SLC4A8: variants seen among roughly 807,000 people sequenced by gnomAD.
The protein encoded by SLC4A8 is electroneutral sodium bicarbonate exchanger 1.
SLC4A8 carries 40 observed loss-of-function variants against 125.0 expected under a neutral mutation model. The observed-to-expected ratio is 0.32, with a 90% CI of 0.25 to 0.42. The LOEUF is 0.42. SLC4A8 is among the 10% of genes least tolerant of loss of function. SLC4A8 has a pLI of 1.00. For missense variants in SLC4A8, 863 were observed against 1,355.1 expected (o/e 0.64, Z 5.70); for synonymous variants, 456 against 476.0 (o/e 0.96, Z 0.55).
At chr12:51,471,920 CTT>C (rs1950711512) in intron 14 of SLC4A8, among the ~76,000 whole-genome samples, 1 of 152,140 alleles carries the variant, frequency 6.6e-6, no homozygotes, top group Non-Finnish European at 1.5e-5. Context: ...GGACTCTGTC[CTT>C]TGTTGAAATG....
At chr12:51,416,211 G>GTTTTTTTTTTTTT (rs57565585) in intron 1 of SLC4A8, among the ~76,000 whole-genome samples, 7 of 82,516 alleles carry the variant, frequency 8.5e-5, no homozygotes, top group East Asian at 7.1e-4. Flanking sequence ...GAGGTCTTTT[G>GTTTTTTTTTTTTT]TTTTTTTTTT....
At chr12:51,491,740 G>GACACACAC (rs35694156) in intron 19 of SLC4A8, among the ~76,000 whole-genome samples, 2,543 of 145,946 alleles carry the variant, frequency 0.017, 73 homozygotes, top group African/African-American at 0.059. Flanking sequence ...GGGATGGGCA[G>GACACACAC]ACACACACAC....
At chr12:51,502,880 C>T (rs1355696002) in intron 22 of SLC4A8, among the ~76,000 whole-genome samples, 1 of 138,316 alleles carries the variant, frequency 7.2e-6, no homozygotes, top group Non-Finnish European at 1.5e-5. Context: ...GCTCTGTCGT[C>T]ACCCAGGCTG....
At position 51,493,779 on chromosome 12, in the gene SLC4A8, T is replaced by C. The variant is rs1443239194; in HGVS notation, c.2769+7T>C. On this transcript the variant is annotated splice_region_variant and intron_variant, in intron 20 of 24. Coordinates refer to ENST00000453097, the MANE Select transcript of SLC4A8 (RefSeq NM_001039960.3). ...TTCACTACAGGGAATTCAGGTATTG[T>C]ATGGTTCAGCCAGGGCAGTTTCTTC... is the stretch of plus-strand genomic sequence containing the variant. 6.3e-7 allele frequency: 1 copy of C among 1,583,314 alleles called. No individual in the cohort carries two copies. Among genetic ancestry groups the C allele is most frequent in the South Asian group, 1.1e-5 (1 of 90,468 alleles).
chr12:51,485,818 T>C lies in SLC4A8; in HGVS notation c.2204T>C (p.Phe735Ser), dbSNP rs145835611. Residue 735 changes from phenylalanine (F) to serine (S), a missense_variant, in exon 17 of 25, where the codon TTC (phenylalanine) becomes TCC (serine). Phe to Ser is a radical substitution (Grantham distance 155). Transcript: ENST00000453097. ...VRSMVSDFAV[F>S]LTIFTMVIID... ...TCCATGGTGAGTGACTTTGCTGTTTTCCTCACTATCTTCACAATGGTGATT... is the reference window on the plus strand; with the variant it reads ...TCCATGGTGAGTGACTTTGCTGTTTCCCTCACTATCTTCACAATGGTGATT... 67 of 1,613,224 alleles carry C rather than the reference T, an allele frequency of 4.2e-5. No homozygotes were observed. Among genetic ancestry groups the C allele is most frequent in the Non-Finnish European group, 5.3e-5 (62 of 1,179,272 alleles).
chr12:51,444,377 T>C (rs535945047), intron 2 of SLC4A8, among the ~76,000 whole-genome samples: 1 of 152,310 alleles, frequency 6.6e-6, no homozygotes, highest in South Asian at 2.1e-4. Context: ...CCTTCTTAGC[T>C]CTGACCCCCT....
chr12:51,395,115 T>C (rs1021464291), intron 1 of SLC4A8, among the ~76,000 whole-genome samples: 1 of 152,164 alleles, frequency 6.6e-6, no homozygotes, highest in East Asian at 1.9e-4. Flanking sequence ...GAAAAAGTTA[T>C]ATATGCACAT....
intron 17 of SLC4A8, 115 bp from the exon 18 acceptor site, chr12:51,488,584 T>C: frequency 1.3e-6 from 1 of 793,110 alleles, no homozygotes; most frequent in Non-Finnish European, 1.9e-6. Flanking sequence ...TTTTTTTTTT[T>C]TTTAAGAACC....
rs1565749408 is a variant in SLC4A8, at chr12:51,400,802, A to ATATATGTTTATATACG, written c.-112+9319_-112+9320insGTTTATATACGTATAT. 1.1e-3 allele frequency among the ~76,000 whole-genome samples: 96 copies of ATATATGTTTATATACG among 84,632 alleles called. 7 individuals carry two copies. The highest frequency in any genetic ancestry group is 5.2e-3 in the African/African-American group (74 of 14,220). The allele number at this position is 84,632 out of a possible 152,430, so 55.5% of individuals were successfully genotyped here. On this transcript the variant is annotated intron_variant, in intron 1 of 24. Transcript: ENST00000358657. ...TACATACATACACACACACACACAC[A>ATATATGTTTATATACG]TATATAAACATATATGTTTATATAC...
At chr12:51,444,168 A>G (rs1244155002) in intron 2 of SLC4A8, among the ~76,000 whole-genome samples, 4 of 152,188 alleles carry the variant, frequency 2.6e-5, no homozygotes, top group Admixed American at 1.3e-4. Context: ...AATGGCCAAC[A>G]AAGTGACCAC....
intron 5 of SLC4A8, among the ~76,000 whole-genome samples, chr12:51,455,752 C>A (rs1387996792): frequency 1.3e-5 from 2 of 152,162 alleles, no homozygotes; most frequent in East Asian, 1.9e-4. Flanking sequence ...GAGGGGTAAG[C>A]ACTGATGGGA....
intron 1 of SLC4A8, among the ~76,000 whole-genome samples, chr12:51,396,037 C>T (rs557900268): frequency 7.2e-5 from 11 of 152,294 alleles, no homozygotes; most frequent in African/African-American, 2.2e-4. Context: ...ATCACTCATG[C>T]GCTACAATTC....
At chr12:51,471,146 T>C (rs955566701) in intron 13 of SLC4A8, 141 bp from the exon 14 acceptor site, 9 of 807,502 alleles carry the variant, frequency 1.1e-5, no homozygotes, top group Middle Eastern at 2.3e-4. Flanking sequence ...AGAGCACTAT[T>C]TAGAAGGAAA....
chr12:51,466,080 G>C (rs950866793), intron 11 of SLC4A8, among the ~76,000 whole-genome samples: 31 of 152,054 alleles, frequency 2.0e-4, no homozygotes, highest in African/African-American at 6.8e-4. Context: ...TTGAAGGCAG[G>C]GTGAAGTAGA....
chr12:51,512,700 A>G lies in SLC4A8; in HGVS notation c.*5262A>G, dbSNP rs1938407824. 1 of 152,018 alleles carries G rather than the reference A, an allele frequency of 6.6e-6. No individual in the cohort carries two copies. Among genetic ancestry groups the G allele is most frequent in the African/African-American group, 2.4e-5 (1 of 41,366 alleles). The allele number at this position is 152,018 out of a possible 1,614,324, so 9.4% of individuals were successfully genotyped here. ...GCATGTGTGTATGTTGACAAATGAG[A>G]GTGTAGCCATAAGATTTCATTGTTA... is the stretch of plus-strand genomic sequence containing the variant. On this transcript the variant is annotated 3_prime_UTR_variant, in exon 25 of 25. Coordinates refer to ENST00000453097, the MANE Select transcript of SLC4A8 (RefSeq NM_001039960.3).
intron 16 of SLC4A8, among the ~76,000 whole-genome samples, chr12:51,483,053 C>T (rs1188913566): frequency 4.6e-5 from 7 of 151,586 alleles, no homozygotes; most frequent in African/African-American, 1.5e-4. Context: ...TTTTGTGGTT[C>T]CCCCCACCCC....
intron 1 of SLC4A8, among the ~76,000 whole-genome samples, chr12:51,402,670 C>G (rs894423653): frequency 6.6e-6 from 1 of 151,968 alleles, no homozygotes; most frequent in Non-Finnish European, 1.5e-5. Flanking sequence ...TGCAGTGAGC[C>G]GAGACCGCGC....
intron 1 of SLC4A8, among the ~76,000 whole-genome samples, chr12:51,405,265 C>T (rs1449831561): frequency 6.6e-6 from 1 of 152,142 alleles, no homozygotes; most frequent in Non-Finnish European, 1.5e-5. Flanking sequence ...GGAAGCCTTC[C>T]CCCTGGGAGA....
intron 11 of SLC4A8, among the ~76,000 whole-genome samples, chr12:51,468,066 T>G (rs1436393637): frequency 6.6e-6 from 1 of 152,250 alleles, no homozygotes; most frequent in Non-Finnish European, 1.5e-5. Context: ...TTTCCTTTTT[T>G]TCTATGCCAT....
Sources: allele counts gnomAD v4.1 joint callset (sites outside exome capture counted in the v4.1 genomes callset), GRCh38; gene constraint gnomAD v4.1.1; transcripts MANE v1.5; gene names NCBI Gene and HGNC (gene_info 2026-07-23, HGNC 2026-07-21).